The following GABRG3 variants were observed in gnomAD, a reference collection of about 807,000 sequenced individuals.
GABRG3 encodes gamma-aminobutyric acid receptor subunit gamma-3.
A neutral mutation model predicts 48.8 loss-of-function variants in GABRG3; 25 were observed. The ratio of observed to expected loss-of-function variants is 0.51; its 90% CI spans 0.37 to 0.72. The LOEUF (loss-of-function observed/expected upper bound fraction) is 0.72. GABRG3 is among the 30% of genes least tolerant of loss of function. The pLI, the probability that GABRG3 is intolerant of heterozygous loss-of-function variation, is 0.00. For synonymous variants in GABRG3, 227 were observed against 217.6 expected (o/e 1.04, Z -0.38); for missense variants, 394 against 577.9 (o/e 0.68, Z 3.26).
chr15:27,166,203 C>T lies in GABRG3; in HGVS notation c.270+139382C>T, dbSNP rs569069227. On this transcript the variant is annotated intron_variant, in intron 3 of 9. Coordinates refer to ENST00000615808, the MANE Select transcript of GABRG3 (RefSeq NM_033223.5). ...CTCCATATGAGATAGTGAACTTTCT[C>T]AACTAATATTCAGATAATATTCAGA... Among the ~76,000 whole-genome samples the T allele has an allele frequency of 6.6e-5, 10 of 152,198 alleles. No homozygotes were observed. In the East Asian group the frequency reaches 1.7e-3, roughly 26 times the overall value.
At chr15:27,510,942 G>A (rs79676392) in intron 6 of GABRG3, among the ~76,000 whole-genome samples, 7,781 of 152,232 alleles carry the variant, frequency 0.051, 372 homozygotes, top group African/African-American at 0.11. Flanking sequence ...TGGTAAGGAT[G>A]TGGGTATAAA....
chr15:27,452,484 G>A (rs1382034658), intron 5 of GABRG3, among the ~76,000 whole-genome samples: 2 of 152,138 alleles, frequency 1.3e-5, no homozygotes, highest in African/African-American at 4.8e-5. Context: ...ACAGCCTACT[G>A]TTGACTGAGA....
chr15:27,357,882 T>C (rs925570713), intron 5 of GABRG3, among the ~76,000 whole-genome samples: 1 of 152,234 alleles, frequency 6.6e-6, no homozygotes, highest in Non-Finnish European at 1.5e-5. Context: ...ACTATTCATA[T>C]CTTGTTACCT....
chr15:27,275,336 T>TA lies in GABRG3; in HGVS notation c.271-51472dup, dbSNP rs74701263. ...GTACCTGCTATCCCTTTGAATTATA[T>TA]ATGTAGTTTTATCCCATTCTGGCAG... is the stretch of plus-strand genomic sequence containing the variant. On this transcript the variant is annotated intron_variant, in intron 3 of 9. Transcript: ENST00000615808. 5.1e-3 allele frequency among the ~76,000 whole-genome samples: 774 copies of TA among 152,320 alleles called. 19 individuals carry two copies. In the East Asian group the frequency reaches 0.059, roughly 12 times the overall value.
At chr15:27,011,626 T>C (rs536154981) in intron 2 of GABRG3, among the ~76,000 whole-genome samples, 21 of 152,094 alleles carry the variant, frequency 1.4e-4, no homozygotes, top group Non-Finnish European at 2.8e-4. Context: ...GGCAGGCGGA[T>C]CACAAGGTCA....
chr15:27,239,660 G>C (rs1365145114), intron 3 of GABRG3, among the ~76,000 whole-genome samples: 6 of 152,140 alleles, frequency 3.9e-5, no homozygotes, highest in African/African-American at 1.4e-4. Context: ...AATTATGTAT[G>C]TTATTGATAA....
intron 3 of GABRG3, among the ~76,000 whole-genome samples, chr15:27,157,061 G>A (rs1025214118): frequency 1.3e-5 from 2 of 152,184 alleles, no homozygotes; most frequent in African/African-American, 4.8e-5. Context: ...TCATATTTCT[G>A]AAGTGGAAGA....
intron 5 of GABRG3, among the ~76,000 whole-genome samples, chr15:27,475,617 GTGA>G (rs1182150302): frequency 2.9e-4 from 44 of 151,994 alleles, no homozygotes; most frequent in Middle Eastern, 6.8e-3. Context: ...AATGGTGGTG[GTGA>G]TGATGATGGT....
intron 3 of GABRG3, among the ~76,000 whole-genome samples, chr15:27,178,412 C>T (rs1887816538): frequency 6.6e-6 from 1 of 152,300 alleles, no homozygotes; most frequent in East Asian, 1.9e-4. Context: ...CTTGGCATAT[C>T]ACAGGTTCTC....
At chr15:27,116,498 G>T (rs563956709) in intron 3 of GABRG3, among the ~76,000 whole-genome samples, 1 of 152,120 alleles carries the variant, frequency 6.6e-6, no homozygotes, top group Non-Finnish European at 1.5e-5. Flanking sequence ...AATAAGGAAA[G>T]ATTCTAGCAA....
At chr15:27,241,550 G>A (rs190694462) in intron 3 of GABRG3, among the ~76,000 whole-genome samples, 58 of 152,326 alleles carry the variant, frequency 3.8e-4, no homozygotes, top group African/African-American at 1.3e-3. Context: ...CTCACATTTA[G>A]CATGCAAACC....
chr15:27,161,560 T>TA (rs1394376061), intron 3 of GABRG3, among the ~76,000 whole-genome samples: 2 of 152,212 alleles, frequency 1.3e-5, no homozygotes, highest in Non-Finnish European at 2.9e-5. Context: ...CTTTTATGTT[T>TA]AGTGTTTTTG....
Position 27,470,255 on chromosome 15 carries a change from T to G in GABRG3, c.575-10395T>G, listed in dbSNP as rs74942472. Among the ~76,000 whole-genome samples the G allele has an allele frequency of 9.7e-3, 1,472 of 151,934 alleles. 29 individuals carry two copies. Among genetic ancestry groups the G allele is most frequent in the African/African-American group, 0.034 (1,400 of 41,416 alleles). ...CTTTCTTTCTCTCTCTTTTTTTTTT[T>G]CTTGAGGCGGAGTCTCGCTCTGTAA... is the stretch of plus-strand genomic sequence containing the variant. On this transcript the variant is annotated intron_variant, in intron 5 of 9. Coordinates refer to ENST00000615808, the MANE Select transcript of GABRG3 (RefSeq NM_033223.5).
chr15:27,421,291 A>G (rs1888104910), intron 5 of GABRG3, among the ~76,000 whole-genome samples: 1 of 152,248 alleles, frequency 6.6e-6, no homozygotes, highest in South Asian at 2.1e-4. Context: ...ATTTATATCA[A>G]TGGACAGTCT....
chr15:27,021,196 TA>T (rs1168856130), intron 2 of GABRG3, among the ~76,000 whole-genome samples: 1 of 152,102 alleles, frequency 6.6e-6, no homozygotes, highest in Non-Finnish European at 1.5e-5. Context: ...TAAAAAAAAT[TA>T]AAAGAGAAAA....
chr15:27,169,150 G>C (rs1299329007), intron 3 of GABRG3, among the ~76,000 whole-genome samples: 1 of 152,172 alleles, frequency 6.6e-6, no homozygotes, highest in Non-Finnish European at 1.5e-5. Context: ...CATATTCACA[G>C]AAAACATACT....
intron 4 of GABRG3, among the ~76,000 whole-genome samples, chr15:27,327,435 C>T (rs1319116922): frequency 1.3e-5 from 2 of 152,142 alleles, no homozygotes; most frequent in African/African-American, 4.8e-5. Context: ...GTGGCAGCTC[C>T]CCTGGAGTGT....
chr15:27,361,271 A>G (rs1211243130), intron 5 of GABRG3, among the ~76,000 whole-genome samples: 1 of 152,138 alleles, frequency 6.6e-6, no homozygotes, highest in African/African-American at 2.4e-5. Context: ...CACTGGAGCA[A>G]ACCTTCTCAA....
intron 6 of GABRG3, among the ~76,000 whole-genome samples, chr15:27,500,467 G>T (rs1423845968): frequency 6.6e-6 from 1 of 152,170 alleles, no homozygotes; most frequent in Non-Finnish European, 1.5e-5. Context: ...AGAAACAGCC[G>T]CACCTGTCAA....
Sources: allele counts gnomAD v4.1 joint callset (sites outside exome capture counted in the v4.1 genomes callset), GRCh38; gene constraint gnomAD v4.1.1; transcripts MANE v1.5; gene names NCBI Gene and HGNC (gene_info 2026-07-23, HGNC 2026-07-21).